Variants in MTX1 observed in about 807,000 individuals in gnomAD.
The protein encoded by MTX1 is metaxin 1, also known as metaxin-1.
MTX1 carries 20 observed loss-of-function variants against 39.4 expected under a neutral mutation model. The observed-to-expected ratio is 0.51, with a 90% CI of 0.36 to 0.74. The LOEUF (loss-of-function observed/expected upper bound fraction) is 0.74. Among genes scored for constraint, MTX1 ranks in the 30% least tolerant of loss-of-function variants. The probability of loss-of-function intolerance (pLI) is 0.00; values close to 1 mark genes in which losing one functional copy is unlikely to be tolerated. For synonymous variants in MTX1, 209 were observed against 198.6 expected, an observed-to-expected ratio of 1.05 and a Z score of -0.44; for missense variants, 481 against 485.9, an observed-to-expected ratio of 0.99 and a Z score of 0.10.
Position 155,212,391 on chromosome 1 carries a change from A to C in MTX1, c.778A>C (p.Thr260Pro). 6.2e-7 allele frequency: 1 copy of C among 1,614,176 alleles called. No individual in the cohort carries two copies. Among genetic ancestry groups the C allele is most frequent in the South Asian group, 1.1e-5 (1 of 91,088 alleles). ...EEKLLPVLVH[T>P]FWIDTKNYVE... ...TCCTGCCCACCCAATCCAGGTACATACTTTTTGGATAGACACCAAGAACTA... is the reference window on the plus strand; with the variant it reads ...TCCTGCCCACCCAATCCAGGTACATCCTTTTTGGATAGACACCAAGAACTA... Residue 260 changes from threonine to proline, a missense_variant, in exon 5 of 8, where the codon ACT (threonine) becomes CCT (proline). Thr to Pro is a conservative substitution (Grantham distance 38, BLOSUM62 -1). Transcript: ENST00000368376.
At chr1:155,211,917 G>A (rs180872381) in intron 3 of MTX1, 13 of 442,698 alleles carry the variant, frequency 2.9e-5, no homozygotes, top group Admixed American at 2.0e-4. Flanking sequence ...GGACCTTCAC[G>A]GCCAGGAGGC....
chr1:155,209,010 C>A lies in MTX1; in HGVS notation c.206C>A (p.Pro69Gln). The change falls in exon 1 of 8, where the codon CCG (proline) becomes CAG (glutamine). Residue 69 changes from proline (P) to glutamine (Q), a missense_variant. By Grantham distance (76) the Pro-to-Gln change is moderately conservative. Coordinates refer to ENST00000368376, the MANE Select transcript of MTX1 (RefSeq NM_002455.5). ...RRRDSPRRAG[P>Q]TALSRYVGHL... ...CGTGACTCTCCGAGGCGCGCCGGGCCGACAGCGCTGTCCCGCTACGTGGGC... is the reference window on the plus strand; with the variant it reads ...CGTGACTCTCCGAGGCGCGCCGGGCAGACAGCGCTGTCCCGCTACGTGGGC... 1 of 1,590,454 alleles carries A rather than the reference C, an allele frequency of 6.3e-7. No homozygotes were observed. The highest frequency in any genetic ancestry group is 8.5e-7 in the Non-Finnish European group (1 of 1,170,028).
rs1571940327 is a variant in MTX1 at position 155,208,716 on chromosome 1, C to G, written c.-89C>G. On this transcript the variant is annotated 5_prime_UTR_variant, in exon 1 of 8. Coordinates refer to ENST00000368376, the MANE Select transcript of MTX1 (RefSeq NM_002455.5). ...CCCCACCCAAGCCCCAGCCCGGCCT[C>G]CGCTCCGGCCGCCGCCACCGCCCCT... 38 of 1,308,772 alleles carry G rather than the reference C, an allele frequency of 2.9e-5. No homozygotes were observed. The highest frequency in any genetic ancestry group is 3.3e-5 in the Non-Finnish European group (33 of 990,948). 81.1% of individuals were successfully genotyped at this position (1,308,772 alleles called of 1,614,324 possible).
intron 3 of MTX1, chr1:155,211,278 G>A (rs1389667360): frequency 3.3e-5 from 5 of 152,822 alleles, no homozygotes; most frequent in Non-Finnish European, 7.3e-5. Flanking sequence ...TGGAAAGAGA[G>A]GATCCAGATA....
intron 3 of MTX1, chr1:155,210,863 G>A: frequency 1.8e-6 from 1 of 556,196 alleles, no homozygotes; most frequent in East Asian, 3.1e-5. Flanking sequence ...ACAGGCTGAA[G>A]GAGAGTGGAA....
chr1:155,210,821 T>C (rs901893575), intron 3 of MTX1, 194 bp downstream of exon 3: 55 of 608,096 alleles, frequency 9.0e-5, no homozygotes, highest in Non-Finnish European at 1.3e-4. Context: ...AGATGAAACT[T>C]AGGGCACTGT....
chr1:155,210,207 A>G, intron 1 of MTX1, 139 bp from the exon 2 acceptor site: 1 of 722,634 alleles, frequency 1.4e-6, no homozygotes, highest in Admixed American at 2.3e-5. Flanking sequence ...AATGGTAGTG[A>G]CTCCCCCTTT....
chr1:155,209,205 G>GT lies in MTX1; in HGVS notation c.401_402insT (p.Arg134SerfsTer98). The GT allele has an allele frequency of 2.0e-6, 3 of 1,463,800 alleles. No individual in the cohort carries two copies. The South Asian group carries it at 4.2e-5, about 20-fold the overall frequency. The allele number at this position is 1,463,800 out of a possible 1,614,324, so 90.7% of individuals were successfully genotyped here. ...GCGGGGGGCGGGCCCAGGCAGGGGA[G>GT]GGCAGAAGCACACAAGGAAGTGTTT... is the stretch of plus-strand genomic sequence containing the variant. On this transcript the variant is annotated frameshift_variant, in exon 1 of 8. Transcript: ENST00000368376. LOFTEE classifies it high-confidence loss of function.
At chr1:155,212,290 C>G (rs942971406) in intron 4 of MTX1, 71 bp downstream of exon 4, 8 of 1,594,814 alleles carry the variant, frequency 5.0e-6, no homozygotes, top group Admixed American at 1.7e-5. Context: ...GACCCACACA[C>G]AGGCTCAGGA....
chr1:155,210,801 A>T, intron 3 of MTX1, 174 bp downstream of exon 3: 1 of 642,006 alleles, frequency 1.6e-6, no homozygotes, highest in South Asian at 1.8e-5. Flanking sequence ...GTATTAAAGC[A>T]GTCGGCAAGA....
chr1:155,208,937 G>A lies in MTX1; in HGVS notation c.133G>A (p.Glu45Lys). ...WPRRTRPRSPEPAAPSGVRGS... is the reference protein window; with the variant it reads ...WPRRTRPRSPKPAAPSGVRGS... Reference sequence around the variant, plus strand: ...CAGGCGCACAAGACCCCGCTCTCCAGAGCCTGCCGCGCCTTCAGGGGTTCG... The same window carrying A: ...CAGGCGCACAAGACCCCGCTCTCCAAAGCCTGCCGCGCCTTCAGGGGTTCG... The change falls in exon 1 of 8, where the codon GAG (glutamate) becomes AAG (lysine). Residue 45 changes from glutamate to lysine, a missense_variant. Coordinates refer to ENST00000368376, the MANE Select transcript of MTX1 (RefSeq NM_002455.5). 6.2e-7 allele frequency: 1 copy of A among 1,610,422 alleles called. No homozygotes were observed. Among genetic ancestry groups the A allele is most frequent in the Non-Finnish European group, 8.5e-7 (1 of 1,179,334 alleles).
chr1:155,212,213 G>C lies in MTX1; in HGVS notation c.765G>C (p.Pro255=). The C allele has an allele frequency of 6.2e-7, 1 of 1,610,302 alleles. No individual in the cohort carries two copies. Among genetic ancestry groups the C allele is most frequent in the Non-Finnish European group, 8.5e-7 (1 of 1,177,884 alleles). The stretch of plus-strand genomic sequence containing the variant: ...CTCTCCTGGAGGAGAAGTTGCTCCC[G>C]GTGCTGGTGAGTGTGCCCAGACCTC... ...FMSLLEEKLL[P]VLVHTFWIDT... is the part of the protein sequence containing the mutation. The change falls in exon 4 of 8, where the codon CCG becomes CCC. Residue 255 remains proline, a synonymous_variant. Coordinates refer to ENST00000368376, the MANE Select transcript of MTX1 (RefSeq NM_002455.5).
At chr1:155,209,706 C>A (rs1671024320) in intron 1 of MTX1, among the ~76,000 whole-genome samples, 1 of 152,174 alleles carries the variant, frequency 6.6e-6, no homozygotes, top group African/African-American at 2.4e-5. Context: ...TCTCCTCAGC[C>A]CCCTTCTCCT....
Position 155,210,406 on chromosome 1 carries a change from A to G in MTX1, c.589A>G (p.Ser197Gly). The change falls in exon 2 of 8, where the codon AGC (serine) becomes GGC (glycine). Residue 197 changes from serine to glycine, a missense_variant. Ser to Gly is a moderately conservative substitution (Grantham distance 56). Coordinates refer to ENST00000368376, the MANE Select transcript of MTX1 (RefSeq NM_002455.5). ...KVHKISNPWQ[S>G]PSGTLPALRT... ...ACACAAGATCAGCAACCCCTGGCAG[A>G]GCCCTTCAGGTACCCAGTATCCCTT... is the stretch of plus-strand genomic sequence containing the variant. 1.2e-6 allele frequency: 2 copies of G among 1,614,176 alleles called. No homozygotes were observed. The highest frequency in any genetic ancestry group is 1.7e-6 in the Non-Finnish European group (2 of 1,179,976).
At position 155,209,639 on chromosome 1, in the gene MTX1, G is replaced by A. The variant is rs1293140967; in HGVS notation, c.528+307G>A. Among the ~76,000 whole-genome samples, 1 of 152,042 alleles carries A rather than the reference G, an allele frequency of 6.6e-6. No individual in the cohort carries two copies. Among genetic ancestry groups the A allele is most frequent in the Non-Finnish European group, 1.5e-5 (1 of 68,012 alleles). On this transcript the variant is annotated intron_variant, in intron 1 of 7. Coordinates refer to ENST00000368376, the MANE Select transcript of MTX1 (RefSeq NM_002455.5). ...CTTTGGGCATTTTTTTTCTCCATTCGGAGGTTTACTAGGCTGGACTGTCTC... is the reference window on the plus strand; with the variant it reads ...CTTTGGGCATTTTTTTTCTCCATTCAGAGGTTTACTAGGCTGGACTGTCTC...
chr1:155,210,788 G>A (rs1247611198), intron 3 of MTX1, 161 bp downstream of exon 3: 2 of 694,828 alleles, frequency 2.9e-6, no homozygotes, highest in Non-Finnish European at 5.0e-6. Context: ...ATGTCACTGT[G>A]ATGTATTAAA....
Position 155,208,769 on chromosome 1 carries a change from C to T in MTX1, c.-36C>T, listed in dbSNP as rs375103223. ...TTTGTTTCCATGGCGACAGGCGGCG[C>T]AGGGCCCGCTCCAAACATAACGCGC... On this transcript the variant is annotated 5_prime_UTR_variant, in exon 1 of 8. Coordinates refer to ENST00000368376, the MANE Select transcript of MTX1 (RefSeq NM_002455.5). The T allele has an allele frequency of 2.3e-5, 34 of 1,453,982 alleles. No homozygotes were observed. The highest frequency in any genetic ancestry group is 3.0e-5 in the Non-Finnish European group (33 of 1,099,310). The allele number at this position is 1,453,982 out of a possible 1,614,324, so 90.1% of individuals were successfully genotyped here. A position where few individuals can be genotyped will look rare whatever the true frequency, so the allele number is the denominator to read the frequency against.
chr1:155,212,736 C>T lies in MTX1; in HGVS notation c.997C>T (p.Arg333Cys), dbSNP rs774326256. The stretch of plus-strand genomic sequence containing the variant: ...GGAGTGTCTGACCCTGCTCTCTCAG[C>T]GCCTGGGCTCTCAAAAGTTCTTCTT... Reference protein sequence around the residue: ...ARECLTLLSQRLGSQKFFFGD... With the variant: ...ARECLTLLSQCLGSQKFFFGD... Residue 333 changes from arginine to cysteine, a missense_variant, in exon 6 of 8, where the codon CGC becomes TGC. By Grantham distance (180) the Arg-to-Cys change is radical. Coordinates refer to ENST00000368376, the MANE Select transcript of MTX1 (RefSeq NM_002455.5). 8.8e-6 allele frequency: 14 copies of T among 1,598,384 alleles called. No individual in the cohort carries two copies. Among genetic ancestry groups the T allele is most frequent in the South Asian group, 2.3e-5 (2 of 88,886 alleles).
At chr1:155,210,224 G>A (rs1452812856) in intron 1 of MTX1, 122 bp from the exon 2 acceptor site, 3 of 838,818 alleles carry the variant, frequency 3.6e-6, no homozygotes, top group East Asian at 4.9e-5. Flanking sequence ...CTTTTTTTTC[G>A]AGACTAAGAT....
Sources: gnomAD v4.1 joint callset for allele counts (sites outside exome capture counted in the v4.1 genomes callset) on GRCh38, gnomAD v4.1.1 for gene constraint, MANE v1.5 for transcripts, NCBI Gene and HGNC (gene_info 2026-07-23, HGNC 2026-07-21) for gene names.